Variants in PLCH1 observed in about 807,000 individuals in gnomAD.
PLCH1 encodes phospholipase C eta 1.
A neutral mutation model predicts 126.7 loss-of-function variants in PLCH1; 60 were observed. The ratio of observed to expected loss-of-function variants is 0.47; its 90% CI spans 0.38 to 0.59. PLCH1 has a LOEUF of 0.59. Ranked by LOEUF, PLCH1 falls within the 20% of genes least tolerant of loss-of-function variation. The pLI is 0.00. For missense variants in PLCH1, 1,723 were observed against 2,040.0 expected, an observed-to-expected ratio of 0.84 and a Z score of 2.99; for synonymous variants, 719 against 734.9, an observed-to-expected ratio of 0.98 and a Z score of 0.35.
chr3:155,728,271 G>A (rs773465853), intron 1 of PLCH1, among the ~76,000 whole-genome samples: 3 of 152,170 alleles, frequency 2.0e-5, no homozygotes, highest in Non-Finnish European at 4.4e-5. Flanking sequence ...GATCCATGCA[G>A]TTTGACAGCC....
chr3:155,647,933 C>T (rs1385521291), intron 2 of PLCH1, among the ~76,000 whole-genome samples: 2 of 152,126 alleles, frequency 1.3e-5, no homozygotes, highest in Admixed American at 6.5e-5. Context: ...TTACTGCCCC[C>T]ACTATATGCA....
chr3:155,582,096 T>C (rs1156455004), intron 6 of PLCH1, among the ~76,000 whole-genome samples: 3 of 141,192 alleles, frequency 2.1e-5, no homozygotes, highest in Non-Finnish European at 4.6e-5. Context: ...TTTTTTTTTT[T>C]TTTGAGGTGG....
chr3:155,554,610 A>C (rs1726568079), intron 8 of PLCH1, among the ~76,000 whole-genome samples: 2 of 152,168 alleles, frequency 1.3e-5, no homozygotes, highest in Non-Finnish European at 1.5e-5. Context: ...TCCTTCCCAA[A>C]TCAATAATAT....
chr3:155,577,848 G>T (rs1240111906), intron 6 of PLCH1, among the ~76,000 whole-genome samples: 1 of 152,202 alleles, frequency 6.6e-6, no homozygotes, highest in Non-Finnish European at 1.5e-5. Flanking sequence ...TGAATTTGAA[G>T]TCAGTAGTTT....
chr3:155,464,978 G>A (rs988878962), intron 21 of PLCH1, among the ~76,000 whole-genome samples: 12 of 152,022 alleles, frequency 7.9e-5, no homozygotes, highest in African/African-American at 2.4e-4. Context: ...GCGTGGCAGC[G>A]TGTGCCTGTA....
chr3:155,713,481 T>A (rs1440983191), intron 1 of PLCH1, among the ~76,000 whole-genome samples: 2 of 152,134 alleles, frequency 1.3e-5, no homozygotes, highest in East Asian at 3.8e-4. Flanking sequence ...TTGCAAGATA[T>A]CATGGTAAAA....
At chr3:155,696,550 A>G (rs1214393172) in intron 2 of PLCH1, among the ~76,000 whole-genome samples, 7 of 152,204 alleles carry the variant, frequency 4.6e-5, no homozygotes, top group Admixed American at 6.5e-5. Flanking sequence ...AAAATGAGAG[A>G]GCAGAGGAAA....
chr3:155,649,645 G>T (rs533619195), intron 2 of PLCH1, among the ~76,000 whole-genome samples: 14 of 152,232 alleles, frequency 9.2e-5, no homozygotes, highest in South Asian at 6.2e-4. Context: ...TGATGGTAGT[G>T]GGAATTGGGA....
intron 1 of PLCH1, among the ~76,000 whole-genome samples, chr3:155,718,690 G>A (rs116065333): frequency 0.023 from 3,525 of 152,158 alleles, 135 homozygotes; most frequent in African/African-American, 0.081. Context: ...CAGATCTTTC[G>A]AGATGTCACT....
intron 1 of PLCH1, among the ~76,000 whole-genome samples, chr3:155,715,700 C>T (rs376210500): frequency 6.6e-6 from 1 of 150,696 alleles, no homozygotes; most frequent in African/African-American, 2.4e-5. Context: ...GCAGCCTCAA[C>T]CTCCTAGGAT....
chr3:155,611,975 A>C (rs1331276485), intron 2 of PLCH1, among the ~76,000 whole-genome samples: 1 of 152,150 alleles, frequency 6.6e-6, no homozygotes, highest in Admixed American at 6.5e-5. Flanking sequence ...GAACAATAGG[A>C]GTGACACAAC....
chr3:155,686,452 T>C (rs1744946379), intron 2 of PLCH1, among the ~76,000 whole-genome samples: 1 of 152,196 alleles, frequency 6.6e-6, no homozygotes, highest in African/African-American at 2.4e-5. Flanking sequence ...ATGGCAGTGC[T>C]TGGGAATCAG....
intron 2 of PLCH1, among the ~76,000 whole-genome samples, chr3:155,631,315 G>A (rs2108812216): frequency 6.8e-6 from 1 of 147,380 alleles, no homozygotes; most frequent in African/African-American, 2.6e-5. Flanking sequence ...CTAGTGTAAT[G>A]CTAGGATCAT....
At chr3:155,683,565 C>T (rs535044893) in intron 2 of PLCH1, among the ~76,000 whole-genome samples, 15 of 152,260 alleles carry the variant, frequency 9.9e-5, no homozygotes, top group African/African-American at 2.9e-4. Context: ...TTCTGATTGA[C>T]ATTTGGGTGC....
intron 1 of PLCH1, among the ~76,000 whole-genome samples, chr3:155,734,215 T>TCG (rs1317816425): frequency 6.6e-6 from 1 of 151,894 alleles, no homozygotes; most frequent in Non-Finnish European, 1.5e-5. Flanking sequence ...TCCCAAGACT[T>TCG]CGGGAGGCCA....
At position 155,481,819 on chromosome 3, in the gene PLCH1, C is replaced by T. The variant is rs758258852; in HGVS notation, c.4207G>A (p.Glu1403Lys). The T allele has an allele frequency of 6.2e-7, 1 of 1,614,218 alleles. No homozygotes were observed. Among genetic ancestry groups the T allele is most frequent in the Non-Finnish European group, 8.5e-7 (1 of 1,180,036 alleles). Residue 1403 changes from glutamate (E) to lysine (K), a missense_variant, in exon 23 of 23, where the codon GAG (glutamate) becomes AAG (lysine). This residue lies in a region of PLCH1 where 947 missense variants were observed against 977.1 expected (regional missense o/e 0.97). Transcript: ENST00000460012. This position sits in a 1 kb window ranked among gnomAD's most constrained non-coding sequence, Gnocchi z 4.2. Reference protein sequence around the residue: ...QRGLRNGYCKETLRPSVPEIF... With the variant: ...QRGLRNGYCKKTLRPSVPEIF... The stretch of plus-strand genomic sequence containing the variant: ...TCAGGGACAGAAGGGCGGAGGGTCT[C>T]TTTACAGTAGCCGTTTCTCAAACCT...
rs1560128032 is a variant in PLCH1, at chr3:155,537,195, AAAAAACC to A, written c.1362+12585_1362+12591del. Among the ~76,000 whole-genome samples the A allele has an allele frequency of 5.3e-3, 134 of 25,422 alleles. 3 individuals carry two copies. Among genetic ancestry groups the A allele is most frequent in the African/African-American group, 0.012 (95 of 8,254 alleles). The allele number at this position is 25,422 out of a possible 152,430, so 16.7% of individuals were successfully genotyped here. On this transcript the variant is annotated intron_variant, in intron 10 of 22. Coordinates refer to ENST00000460012, the MANE Select transcript of PLCH1 (RefSeq NM_014996.4). ...TACCAAGCTAGCACTACAAAAAAAA[AAAAAACC>A]AAAAAAAAAAAAAAAAAAAAAAAAA...
At chr3:155,514,683 T>G (rs905368566) in intron 12 of PLCH1, 40 bp downstream of exon 12, 12 of 1,300,104 alleles carry the variant, frequency 9.2e-6, no homozygotes, top group Admixed American at 8.6e-5. Context: ...GATGCTTTTT[T>G]TTTCCTGTTG....
Position 155,523,995 on chromosome 3 carries a change from A to G in PLCH1, c.1372T>C (p.Leu458=). 1 of 1,576,152 alleles carries G rather than the reference A, an allele frequency of 6.3e-7. No individual in the cohort carries two copies. Among genetic ancestry groups the G allele is most frequent in the Non-Finnish European group, 8.7e-7 (1 of 1,147,514 alleles). ...GCATCATCCCCAAGGTGATAAGGCA[A>G]CTTCTTACCCTGAAATGGAACAAAA... ...KGKILVKGKK[L]PYHLGDDAEE... Residue 458 remains leucine, a synonymous_variant, in exon 11 of 23, where the codon TTG becomes CTG. Transcript: ENST00000460012.
Sources: gnomAD v4.1 joint callset for allele counts (sites outside exome capture counted in the v4.1 genomes callset) on GRCh38, gnomAD v4.1.1 for gene constraint, gnomAD v4.1.1 regional missense constraint, Gnocchi (gnomAD v3.1) non-coding constraint, MANE v1.5 for transcripts, NCBI Gene and HGNC (gene_info 2026-07-23, HGNC 2026-07-21) for gene names.